The following DMXL1 variants were observed in gnomAD, a reference collection of about 807,000 sequenced individuals.
The protein encoded by DMXL1 is dmX-like protein 1.
DMXL1 carries 99 observed loss-of-function variants against 319.2 expected under a neutral mutation model. That is an observed-to-expected ratio of 0.31 (90% CI 0.26 to 0.37). DMXL1 has a LOEUF of 0.37. Among genes scored for constraint, DMXL1 ranks in the 10% least tolerant of loss-of-function variants. The probability of loss-of-function intolerance (pLI) is 1.00; values close to 1 mark genes in which losing one functional copy is unlikely to be tolerated. For synonymous variants in DMXL1, 1,385 were observed against 1,235.2 expected (o/e 1.12, Z -2.54); for missense variants, 3,745 against 3,595.6 (o/e 1.04, Z -1.06).
chr5:119,240,316 C>T (rs1373510381), intron 41 of DMXL1, 103 bp from the exon 42 acceptor site: 5 of 682,896 alleles, frequency 7.3e-6, no homozygotes, highest in Non-Finnish European at 1.2e-5. Context: ...AATTTAAGAA[C>T]CTTCTGTGAC....
intron 38 of DMXL1, among the ~76,000 whole-genome samples, chr5:119,232,489 T>C (rs1304726050): frequency 6.6e-6 from 1 of 152,172 alleles, no homozygotes; most frequent in Admixed American, 6.5e-5. Flanking sequence ...GTGTTATATG[T>C]TAGGCATATT....
At chr5:119,127,878 T>C in intron 9 of DMXL1, 1 of 348,754 alleles carries the variant, frequency 2.9e-6, no homozygotes, top group Non-Finnish European at 5.8e-6. Context: ...ATGTCTGCTT[T>C]GGCAATAAGT....
Position 119,121,163 on chromosome 5 carries a change from T to C in DMXL1, c.1102+24T>C, listed in dbSNP as rs749259806. ...AGGTAATGAAACATTGTTCAAAACA[T>C]GTTTCTGAAATTGAATAGATTGATT... On this transcript the variant is annotated intron_variant, in intron 9 of 43. Coordinates refer to ENST00000539542, the MANE Select transcript of DMXL1 (RefSeq NM_001290321.3). The C allele has an allele frequency of 7.7e-6, 12 of 1,551,354 alleles. No individual in the cohort carries two copies. In the Admixed American group the frequency reaches 2.3e-4, roughly 29 times the overall value.
In DMXL1 at chr5:119,110,194, C is replaced by T. The variant is rs1404056384; in HGVS notation, c.408C>T (p.Ser136=). ...GTTCCAGCTATTTGCAACTCTGGTC[C>T]AATACTAACTTGGAGAAGCCAACTG... ...LTGSSYLQLW[S]NTNLEKPTED... Residue 136 remains serine (S), a synonymous_variant, in exon 5 of 44, where the codon TCC becomes TCT. Coordinates refer to ENST00000539542, the MANE Select transcript of DMXL1 (RefSeq NM_001290321.3). 2 of 1,592,240 alleles carry T rather than the reference C, an allele frequency of 1.3e-6. No individual in the cohort carries two copies. The highest frequency in any genetic ancestry group is 1.7e-6 in the Non-Finnish European group (2 of 1,173,574).
chr5:119,227,838 C>A (rs1785886438), intron 38 of DMXL1, among the ~76,000 whole-genome samples: 1 of 152,064 alleles, frequency 6.6e-6, no homozygotes, highest in African/African-American at 2.4e-5. Flanking sequence ...TGAACTTATG[C>A]AAATAACTAT....
Position 119,248,078 on chromosome 5 carries a change from C to T in DMXL1, c.*859C>T, listed in dbSNP as rs1040796152. 2.0e-5 allele frequency: 3 copies of T among 152,028 alleles called. No homozygotes were observed. The highest frequency in any genetic ancestry group is 4.8e-5 in the African/African-American group (2 of 41,408). The allele number at this position is 152,028 out of a possible 1,614,324, so 9.4% of individuals were successfully genotyped here. The stretch of plus-strand genomic sequence containing the variant: ...GCAGGCAATAAAGTTTCTGTGGTGG[C>T]ATATATCATGTAAGACACTTAAAGT... On this transcript the variant is annotated 3_prime_UTR_variant, in exon 44 of 44. Coordinates refer to ENST00000539542, the MANE Select transcript of DMXL1 (RefSeq NM_001290321.3).
At chr5:119,077,803 C>T (rs1407537888) in intron 1 of DMXL1, among the ~76,000 whole-genome samples, 1 of 133,032 alleles carries the variant, frequency 7.5e-6, no homozygotes, top group African/African-American at 3.0e-5. Flanking sequence ...CTGTACTTAC[C>T]TGGCGAGACC....
At chr5:119,174,038 C>T (rs879468650) in intron 25 of DMXL1, among the ~76,000 whole-genome samples, 1 of 151,678 alleles carries the variant, frequency 6.6e-6, no homozygotes, top group Non-Finnish European at 1.5e-5. Context: ...AAGCAATGAC[C>T]CAGCTCAGTG....
intron 1 of DMXL1, among the ~76,000 whole-genome samples, chr5:119,078,446 A>G (rs1751475804): frequency 6.6e-6 from 1 of 152,026 alleles, no homozygotes; most frequent in Admixed American, 6.6e-5. Flanking sequence ...TATTTGTGAG[A>G]TATTTATTTT....
chr5:119,089,977 T>G (rs1233359531), intron 1 of DMXL1, among the ~76,000 whole-genome samples: 1 of 150,188 alleles, frequency 6.7e-6, no homozygotes, highest in East Asian at 1.9e-4. Flanking sequence ...GAGAGTTTGA[T>G]TATTTTATGC....
intron 1 of DMXL1, among the ~76,000 whole-genome samples, chr5:119,086,076 T>TA (rs1753292899): frequency 6.6e-6 from 1 of 152,172 alleles, no homozygotes; most frequent in Non-Finnish European, 1.5e-5. Context: ...TTATTGGACT[T>TA]AGAGTTCCAT....
At chr5:119,205,317 A>G (rs74918855) in intron 33 of DMXL1, among the ~76,000 whole-genome samples, 3,299 of 152,294 alleles carry the variant, frequency 0.022, 53 homozygotes, top group Non-Finnish European at 0.03. Context: ...CATTAAAGAA[A>G]TAGAGTAGTA....
chr5:119,172,917 C>G (rs899376261), intron 25 of DMXL1, among the ~76,000 whole-genome samples: 1 of 151,904 alleles, frequency 6.6e-6, no homozygotes, highest in Non-Finnish European at 1.5e-5. Flanking sequence ...GTATAAATGC[C>G]CATAGTGCTT....
chr5:119,123,984 C>T (rs1327045080), intron 9 of DMXL1, among the ~76,000 whole-genome samples: 6 of 151,078 alleles, frequency 4.0e-5, no homozygotes, highest in Non-Finnish European at 8.8e-5. Context: ...ATTAGTACAT[C>T]AGTGTACTCA....
At chr5:119,204,892 A>G (rs1781486468) in intron 33 of DMXL1, among the ~76,000 whole-genome samples, 1 of 152,254 alleles carries the variant, frequency 6.6e-6, no homozygotes, top group Non-Finnish European at 1.5e-5. Context: ...AGCAAAAAGC[A>G]AGATTGACAT....
rs1561788035 is a variant in DMXL1 at position 119,171,118 on chromosome 5, G to A, written c.6327G>A (p.Val2109=). 5.0e-6 allele frequency: 8 copies of A among 1,613,904 alleles called. No individual in the cohort carries two copies. Among genetic ancestry groups the A allele is most frequent in the Non-Finnish European group, 6.8e-6 (8 of 1,179,878 alleles). Residue 2109 remains valine (V), a synonymous_variant, in exon 24 of 44, where the codon GTG becomes GTA. Coordinates refer to ENST00000539542, the MANE Select transcript of DMXL1 (RefSeq NM_001290321.3). ...DAEDLPHQTK[V]KQLRENFQEK... is the part of the protein sequence containing the mutation. ...AAGATTTGCCTCACCAAACAAAAGTGAAACAACTGAGAGAAAATTTTCAGG... is the reference window on the plus strand; with the variant it reads ...AAGATTTGCCTCACCAAACAAAAGTAAAACAACTGAGAGAAAATTTTCAGG...
chr5:119,098,433 G>A (rs1756477912), intron 2 of DMXL1, among the ~76,000 whole-genome samples: 1 of 140,870 alleles, frequency 7.1e-6, no homozygotes, highest in Admixed American at 7.6e-5. Context: ...ATAAACTAAA[G>A]GAAATGATTT....
Position 119,244,671 on chromosome 5 carries a change from A to C in DMXL1, c.8922+95A>C. ...GATGACATCAATCTATTTAAATAATAGTTATATTAATTCCTTTGTAGTCAG... is the reference window on the plus strand; with the variant it reads ...GATGACATCAATCTATTTAAATAATCGTTATATTAATTCCTTTGTAGTCAG... On this transcript the variant is annotated intron_variant, in intron 43 of 43. Transcript: ENST00000539542. The C allele has an allele frequency of 3.6e-6, 3 of 823,682 alleles. No homozygotes were observed. The South Asian group carries it at 5.6e-5, about 15-fold the overall frequency. The allele number at this position is 823,682 out of a possible 1,614,324, so 51.0% of individuals were successfully genotyped here.
chr5:119,132,243 T>C (rs1020680518), intron 10 of DMXL1, among the ~76,000 whole-genome samples: 31 of 152,230 alleles, frequency 2.0e-4, no homozygotes, highest in Non-Finnish European at 2.9e-5. Context: ...GTCTATAGGC[T>C]CTTTATTATT....
Sources: gnomAD v4.1 joint callset for allele counts (sites outside exome capture counted in the v4.1 genomes callset) on GRCh38, gnomAD v4.1.1 for gene constraint, MANE v1.5 for transcripts, NCBI Gene and HGNC (gene_info 2026-07-23, HGNC 2026-07-21) for gene names.